The following GRIA2 variants were observed in gnomAD, a reference collection of about 807,000 sequenced individuals.
The protein encoded by GRIA2 is glutamate ionotropic receptor AMPA type subunit 2, also known as glutamate receptor 2.
Under a neutral mutation model 97.3 loss-of-function variants are expected in GRIA2, and 14 were observed. That is an observed-to-expected ratio of 0.14 (90% confidence interval 0.10 to 0.23). The LOEUF is 0.23. Among genes scored for constraint, GRIA2 ranks in the 10% least tolerant of loss-of-function variants. GRIA2 has a pLI of 1.00. For synonymous variants in GRIA2, 412 were observed against 387.8 expected, an observed-to-expected ratio of 1.06 and a Z score of -0.73; for missense variants, 558 against 1,069.8, an observed-to-expected ratio of 0.52 and a Z score of 6.67.
intron 2 of GRIA2, among the ~76,000 whole-genome samples, chr4:157,270,135 A>C (rs1262015594): frequency 6.6e-6 from 1 of 152,148 alleles, no homozygotes; most frequent in East Asian, 1.9e-4. Flanking sequence ...TATAACTTTT[A>C]ATTTCATATG....
chr4:157,342,462 A>C, intron 12 of GRIA2: 1 of 984,208 alleles, frequency 1.0e-6, no homozygotes, highest in Non-Finnish European at 1.2e-6. Flanking sequence ...CAGGACCTTG[A>C]TGAATTAATT....
At chr4:157,354,069 A>T (rs1350140813) in intron 12 of GRIA2, among the ~76,000 whole-genome samples, 2 of 152,166 alleles carry the variant, frequency 1.3e-5, no homozygotes, top group Non-Finnish European at 2.9e-5. Flanking sequence ...ACTTCATGGA[A>T]TTGACAGTTT....
At chr4:157,306,909 C>G (rs1733870367) in intron 3 of GRIA2, among the ~76,000 whole-genome samples, 2 of 152,080 alleles carry the variant, frequency 1.3e-5, no homozygotes, top group South Asian at 4.1e-4. Flanking sequence ...CCTGTGTTCC[C>G]TTTGTCCACA....
intron 2 of GRIA2, among the ~76,000 whole-genome samples, chr4:157,224,532 T>G (rs1194318715): frequency 6.6e-6 from 1 of 152,152 alleles, no homozygotes; most frequent in Non-Finnish European, 1.5e-5. Context: ...TTGTATCCTT[T>G]TTTGTTTGTT....
At chr4:157,350,651 T>C (rs901526806) in intron 12 of GRIA2, among the ~76,000 whole-genome samples, 1 of 152,078 alleles carries the variant, frequency 6.6e-6, no homozygotes, top group Non-Finnish European at 1.5e-5. Context: ...TCTATTGCTA[T>C]TTATTTTGCT....
At chr4:157,299,482 A>G (rs1733516446) in intron 2 of GRIA2, among the ~76,000 whole-genome samples, 1 of 152,156 alleles carries the variant, frequency 6.6e-6, no homozygotes, top group African/African-American at 2.4e-5. Context: ...TAAAATATGT[A>G]AAACAAAAAA....
In GRIA2 at chr4:157,232,051, A is replaced by G. The variant is rs114335706; in HGVS notation, c.229+10244A>G. ...AATACGGAACACAGTGAGTAGTTTT[A>G]TTCTGAAAAATAAGGACCATAACAT... On this transcript the variant is annotated intron_variant, in intron 2 of 15. Transcript: ENST00000264426. 9.2e-3 allele frequency among the ~76,000 whole-genome samples: 1,405 copies of G among 152,342 alleles called. 17 individuals are homozygous for G. The highest frequency in any genetic ancestry group is 0.028 in the African/African-American group (1,157 of 41,578).
chr4:157,282,347 C>T (rs1732644350), intron 2 of GRIA2, among the ~76,000 whole-genome samples: 2 of 152,010 alleles, frequency 1.3e-5, no homozygotes, highest in Non-Finnish European at 2.9e-5. Context: ...CCTATGTCAA[C>T]AGGTACCCTT....
chr4:157,256,727 T>A (rs1317944304), intron 2 of GRIA2, among the ~76,000 whole-genome samples: 1 of 151,952 alleles, frequency 6.6e-6, no homozygotes, highest in Non-Finnish European at 1.5e-5. Context: ...AATCTGTAAC[T>A]GAAACTAGGG....
At chr4:157,250,539 A>G (rs757013528) in intron 2 of GRIA2, among the ~76,000 whole-genome samples, 8 of 152,146 alleles carry the variant, frequency 5.3e-5, no homozygotes, top group Non-Finnish European at 1.0e-4. Flanking sequence ...TCGTTCCTAA[A>G]TGGAGTCAAA....
chr4:157,362,729 G>T (rs1270802424), intron 14 of GRIA2, 70 bp from the exon 15 acceptor site: 2 of 1,285,200 alleles, frequency 1.6e-6, no homozygotes, highest in Non-Finnish European at 2.2e-6. Context: ...ATAATGCTAT[G>T]TGACATTGCT....
chr4:157,287,483 G>T (rs1732897243), intron 2 of GRIA2, among the ~76,000 whole-genome samples: 1 of 151,668 alleles, frequency 6.6e-6, no homozygotes, highest in Admixed American at 6.6e-5. Context: ...GGAATCCTAG[G>T]TGTCCTGGTT....
At chr4:157,284,594 A>G (rs1258507306) in intron 2 of GRIA2, among the ~76,000 whole-genome samples, 5 of 151,712 alleles carry the variant, frequency 3.3e-5, no homozygotes, top group Non-Finnish European at 7.4e-5. Context: ...TATGCCCTCC[A>G]TGTAACTCAT....
rs114162701 is a variant in GRIA2, at chr4:157,300,143, G to T, written c.230-3409G>T. Among the ~76,000 whole-genome samples the T allele has an allele frequency of 6.0e-3, 913 of 151,860 alleles. 9 individuals are homozygous for T. Among genetic ancestry groups the T allele is most frequent in the African/African-American group, 0.02 (846 of 41,402 alleles). ...CAGGATGGATCAAAGTTAAGGAAAT[G>T]GCTTTAAATTTTGGAGGCATCATTG... is the stretch of plus-strand genomic sequence containing the variant. On this transcript the variant is annotated intron_variant, in intron 2 of 15. Transcript: ENST00000264426.
chr4:157,265,211 G>A lies in GRIA2; in HGVS notation c.230-38341G>A, dbSNP rs527467008. Among the ~76,000 whole-genome samples the A allele has an allele frequency of 2.6e-3, 403 of 152,228 alleles. 2 individuals are homozygous for A. Among genetic ancestry groups the A allele is most frequent in the African/African-American group, 8.9e-3 (370 of 41,556 alleles). ...TGGTGAGCATTGGAAATGCGATGGT[G>A]AACAAGCAAAACATAGTTTCTATCT... On this transcript the variant is annotated intron_variant, in intron 2 of 15. Transcript: ENST00000264426.
Position 157,360,088 on chromosome 4 carries a change from G to A in GRIA2, c.2236G>A (p.Gly746Arg). Residue 746 changes from glycine to arginine, a missense_variant, in exon 13 of 16, where the codon GGA becomes AGA. This residue lies in a region of GRIA2 where 125 missense variants were observed against 310.2 expected (regional missense o/e 0.40). Transcript: ENST00000264426. The part of the protein sequence containing the change: ...RKPCDTMKVG[G>R]NLDSKGYGIA... ...GCCTTGCGACACCATGAAAGTTGGTGGAAACCTGGATTCCAAAGGCTATGG... is the reference window on the plus strand; with the variant it reads ...GCCTTGCGACACCATGAAAGTTGGTAGAAACCTGGATTCCAAAGGCTATGG... The A allele has an allele frequency of 6.2e-7, 1 of 1,613,852 alleles. No homozygotes were observed. The highest frequency in any genetic ancestry group is 8.5e-7 in the Non-Finnish European group (1 of 1,179,872).
rs890831261 is a variant in GRIA2, at chr4:157,240,904, C to A, written c.229+19097C>A. ...TCCCCAGAGTGTGATGTTCCCCTTC[C>A]TGTGTCCATGTGATCTCATTGTTCA... On this transcript the variant is annotated intron_variant, in intron 2 of 15. Transcript: ENST00000264426. 9.9e-5 allele frequency among the ~76,000 whole-genome samples: 15 copies of A among 151,812 alleles called. No homozygotes were observed. The East Asian group carries it at 1.2e-3, about 12-fold the overall frequency.
chr4:157,338,031 TATATATATATATATATATAC>T (rs1323220801), intron 11 of GRIA2, among the ~76,000 whole-genome samples: 260 of 12,142 alleles, frequency 0.021, 5 homozygotes, highest in African/African-American at 0.028. Context: ...TATATATATA[TATATATATATATATATATAC>T]ACACACATTT....
chr4:157,234,848 C>T (rs927291445), intron 2 of GRIA2, among the ~76,000 whole-genome samples: 1 of 152,066 alleles, frequency 6.6e-6, no homozygotes, highest in African/African-American at 2.4e-5. Context: ...GAGATTATTT[C>T]TCTTAGGGAG....
Sources: gnomAD v4.1 joint callset for allele counts (sites outside exome capture counted in the v4.1 genomes callset) on GRCh38, gnomAD v4.1.1 for gene constraint, gnomAD v4.1.1 regional missense constraint, MANE v1.5 for transcripts, NCBI Gene and HGNC (gene_info 2026-07-23, HGNC 2026-07-21) for gene names.